Variants in PURG observed in about 807,000 individuals in gnomAD.
PURG encodes purine rich element binding protein G.
Under a neutral mutation model 24.3 loss-of-function variants are expected in PURG, and 3 were observed. The observed-to-expected ratio is 0.12, with a 90% confidence interval of 0.06 to 0.32. The LOEUF (loss-of-function observed/expected upper bound fraction) is 0.32. Ranked by LOEUF, PURG falls within the 10% of genes least tolerant of loss-of-function variation. The pLI, the probability that PURG is intolerant of heterozygous loss-of-function variation, is 1.00. For missense variants in PURG, 371 were observed against 439.1 expected, an observed-to-expected ratio of 0.84 and a Z score of 1.39; for synonymous variants, 180 against 173.1, an observed-to-expected ratio of 1.04 and a Z score of -0.31.
intron 1 of PURG, among the ~76,000 whole-genome samples, chr8:31,005,445 A>AAAAAAGAAAAG (rs1554511616): frequency 1.3e-5 from 2 of 151,708 alleles, no homozygotes; most frequent in East Asian, 1.9e-4. Context: ...AAACAAAAAA[A>AAAAAAGAAAAG]AAAAGAAAAG....
chr8:30,996,633 T>A (rs780911777), exon 2 of PURG: 2 of 1,612,202 alleles, frequency 1.2e-6, no homozygotes, highest in South Asian at 2.2e-5. Context: ...GGGCTGTTCC[T>A]TATGCTTGAT....
At chr8:31,002,816 A>T (rs187262807) in intron 1 of PURG, among the ~76,000 whole-genome samples, 2 of 152,298 alleles carry the variant, frequency 1.3e-5, no homozygotes, top group East Asian at 3.9e-4. Flanking sequence ...CATTAAATGG[A>T]TAGCAGTGTT....
chr8:30,996,449 G>T, exon 2 of PURG: 1 of 554,454 alleles, frequency 1.8e-6, no homozygotes, highest in Non-Finnish European at 3.2e-6. Flanking sequence ...AGATCAGTTT[G>T]GAAATGATGC....
At chr8:31,007,543 A>G (rs1362423055) in intron 1 of PURG, among the ~76,000 whole-genome samples, 4 of 152,222 alleles carry the variant, frequency 2.6e-5, no homozygotes, top group Non-Finnish European at 5.9e-5. Flanking sequence ...TCTGAAGCAA[A>G]ATCAGTGTAA....
intron 1 of PURG, among the ~76,000 whole-genome samples, chr8:31,001,158 C>T (rs1810528631): frequency 1.3e-5 from 2 of 152,280 alleles, no homozygotes; most frequent in Middle Eastern, 6.8e-3. Flanking sequence ...AATAATACAA[C>T]ATTCCACAAT....
At chr8:31,022,144 T>C (rs1197137706) in intron 1 of PURG, among the ~76,000 whole-genome samples, 1 of 152,118 alleles carries the variant, frequency 6.6e-6, no homozygotes, top group East Asian at 1.9e-4. Context: ...CTAATTTTGG[T>C]ATTTTTAGTA....
intron 1 of PURG, among the ~76,000 whole-genome samples, chr8:31,010,772 A>G (rs1476913796): frequency 6.6e-6 from 1 of 152,178 alleles, no homozygotes. Context: ...GAGTTTCATC[A>G]GGGTAAAATG....
chr8:31,021,594 G>T (rs1810989107), intron 1 of PURG, among the ~76,000 whole-genome samples: 1 of 152,212 alleles, frequency 6.6e-6, no homozygotes, highest in African/African-American at 2.4e-5. Context: ...CAGATGTATA[G>T]TGGCGGCTGG....
At position 31,033,091 on chromosome 8, in the gene PURG, T is replaced by A. The variant is rs1454815733; in HGVS notation, c.-20A>T. ...GCGGGCACTCACATCATCTCTGCCA[T>A]CACCGCCGCCGCCGATGCCCTTCAC... On this transcript the variant is annotated 5_prime_UTR_variant, in exon 1 of 2. The change abolishes an upstream ATG in the 5' untranslated region. Coordinates refer to ENST00000523392, the MANE Select transcript of PURG (RefSeq NM_001323311.2). 4.8e-6 allele frequency: 1 copy of A among 209,752 alleles called. No homozygotes were observed. Among genetic ancestry groups the A allele is most frequent in the African/African-American group, 2.5e-5 (1 of 39,514 alleles). 13.0% of individuals were successfully genotyped at this position (209,752 alleles called of 1,614,324 possible). A position where few individuals can be genotyped will look rare whatever the true frequency, so the allele number is the denominator to read the frequency against.
At chr8:31,030,011 C>G (rs1200302780), downstream of PURG, among the ~76,000 whole-genome samples, 2 of 151,866 alleles carry the variant, frequency 1.3e-5, no homozygotes, top group African/African-American at 4.8e-5. Flanking sequence ...ATGTGAAATA[C>G]AATCTGCAAA....
At chr8:31,003,801 T>C (rs1810589657) in intron 1 of PURG, among the ~76,000 whole-genome samples, 1 of 151,966 alleles carries the variant, frequency 6.6e-6, no homozygotes, top group Non-Finnish European at 1.5e-5. Context: ...AAAAACACCA[T>C]ACTAACTTTT....
intron 1 of PURG, among the ~76,000 whole-genome samples, chr8:30,999,270 T>G (rs1810489824): frequency 6.6e-6 from 1 of 151,888 alleles, no homozygotes; most frequent in Non-Finnish European, 1.5e-5. Flanking sequence ...CAATGAAAAC[T>G]AATTAAAAAG....
chr8:31,024,468 C>A (rs1333732323), intron 1 of PURG, among the ~76,000 whole-genome samples: 1 of 152,090 alleles, frequency 6.6e-6, no homozygotes, highest in Non-Finnish European at 1.5e-5. Flanking sequence ...TCTTATTATT[C>A]TTTCTCAAAT....
At chr8:31,007,395 A>AT (rs999649543) in intron 1 of PURG, among the ~76,000 whole-genome samples, 1 of 152,084 alleles carries the variant, frequency 6.6e-6, no homozygotes, top group South Asian at 2.1e-4. Flanking sequence ...TTAAAAAGCT[A>AT]TTTTTTTCAG....
chr8:31,010,108 A>T (rs1810736770), intron 1 of PURG, among the ~76,000 whole-genome samples: 1 of 152,182 alleles, frequency 6.6e-6, no homozygotes, highest in African/African-American at 2.4e-5. Context: ...AAAAAATAAA[A>T]AATAAAAAAA....
chr8:31,006,947 A>G (rs1244185433), intron 1 of PURG, among the ~76,000 whole-genome samples: 1 of 152,254 alleles, frequency 6.6e-6, no homozygotes, highest in Admixed American at 6.5e-5. Context: ...CAAGCCACAC[A>G]TTATATTGCT....
chr8:31,028,706 G>T (rs1460395366), downstream of PURG, among the ~76,000 whole-genome samples: 1 of 151,712 alleles, frequency 6.6e-6, no homozygotes, highest in South Asian at 2.1e-4. Context: ...ATAATACATT[G>T]CATCTTTTGC....
At chr8:31,027,351 AG>A (rs5890545), downstream of PURG, among the ~76,000 whole-genome samples, 5,871 of 151,844 alleles carry the variant, frequency 0.039, 257 homozygotes, top group Admixed American at 0.14. Context: ...TTTCATAAAT[AG>A]TTCCAATGAA....
chr8:31,028,815 C>T, downstream of PURG, among the ~76,000 whole-genome samples: 1 of 151,858 alleles, frequency 6.6e-6, no homozygotes, highest in East Asian at 1.9e-4. Flanking sequence ...GCTTATATTA[C>T]TACAGTTTGA....
Sources: gnomAD v4.1 joint callset for allele counts (sites outside exome capture counted in the v4.1 genomes callset) on GRCh38, gnomAD v4.1.1 for gene constraint, MANE v1.5 for transcripts, NCBI Gene and HGNC (gene_info 2026-07-23, HGNC 2026-07-21) for gene names.